Variants in RBP4 observed in about 807,000 individuals in gnomAD.
RBP4 encodes the protein retinol-binding protein 4.
In RBP4, 9 loss-of-function variants were observed where a neutral mutation model predicts 26.2. The observed-to-expected ratio is 0.34, with a 90% CI of 0.21 to 0.60. RBP4 has a LOEUF of 0.60. RBP4 is among the 20% of genes least tolerant of loss of function. RBP4 has a pLI of 0.80. For missense variants in RBP4, 244 were observed against 271.3 expected, an observed-to-expected ratio of 0.90 and a Z score of 0.71; for synonymous variants, 114 against 111.0, an observed-to-expected ratio of 1.03 and a Z score of -0.17.
chr10:93,595,794 C>T (rs557753956), intron 4 of RBP4, among the ~76,000 whole-genome samples: 1 of 152,338 alleles, frequency 6.6e-6, no homozygotes, highest in South Asian at 2.1e-4. Context: ...GGGGCTGTCA[C>T]AGGAGTGGGT....
At chr10:93,599,762 T>G (rs963143434) in intron 4 of RBP4, among the ~76,000 whole-genome samples, 1 of 152,198 alleles carries the variant, frequency 6.6e-6, no homozygotes, top group African/African-American at 2.4e-5. Context: ...AAAAAGAGCA[T>G]GTAGACACTG....
chr10:93,592,266 G>A (rs2058272279), intron 5 of RBP4, among the ~76,000 whole-genome samples, 154 bp from the exon 6 acceptor site: 1 of 152,206 alleles, frequency 6.6e-6, no homozygotes, highest in Non-Finnish European at 1.5e-5. Context: ...GATACAGGTG[G>A]CTGTAATTCA....
intron 4 of RBP4, among the ~76,000 whole-genome samples, chr10:93,595,785 G>A (rs1211758361): frequency 6.6e-6 from 1 of 152,220 alleles, no homozygotes; most frequent in Non-Finnish European, 1.5e-5. Context: ...CTCTGCAGGG[G>A]GGCTGTCACA....
chr10:93,599,695 C>T (rs2058323825), intron 4 of RBP4, among the ~76,000 whole-genome samples: 1 of 152,192 alleles, frequency 6.6e-6, no homozygotes. Context: ...GCATTATTCT[C>T]TAGCTACCAA....
rs758370370 is a variant in RBP4, at chr10:93,593,885, A to G, written c.506T>C (p.Ile169Thr). Residue 169 changes from isoleucine (I) to threonine (T), a missense_variant, in exon 5 of 6, where the codon ATT becomes ACT. Transcript: ENST00000371464. ...CAGCTCCTCCTGCCGCTGCCTTACA[A>G]TCTTCTGCGCTTCTGGGGGCAGGCC... is the stretch of plus-strand genomic sequence containing the variant. The part of the protein sequence containing the change: ...PNGLPPEAQK[I>T]VRQRQEELCL... 2.5e-6 allele frequency: 4 copies of G among 1,613,608 alleles called. No individual in the cohort carries two copies. The highest frequency in any genetic ancestry group is 3.4e-6 in the Non-Finnish European group (4 of 1,180,010).
chr10:93,600,331 C>G, intron 4 of RBP4, 62 bp downstream of exon 4: 1 of 1,424,676 alleles, frequency 7.0e-7, no homozygotes, highest in Non-Finnish European at 9.9e-7. Flanking sequence ...GAGAAGAAAC[C>G]CAGCGATTTG....
Position 93,601,021 on chromosome 10 carries a change from C to G in RBP4, c.8G>C (p.Trp3Ser). Residue 3 changes from tryptophan (W) to serine (S), a missense_variant, in exon 2 of 6, where the codon TGG (tryptophan) becomes TCG (serine). Transcript: ENST00000371464. ...CGCCAACAGCAAGAGCGCCCACACC[C>G]ACTTCATCTTGCCCAGGAATCCGCC... MK[W>S]VWALLLLAAL... is the part of the protein sequence containing the mutation. 1 of 1,611,120 alleles carries G rather than the reference C, an allele frequency of 6.2e-7. No individual in the cohort carries two copies. The highest frequency in any genetic ancestry group is 2.2e-5 in the East Asian group (1 of 44,846).
chr10:93,593,758 G>A (rs910716060), intron 5 of RBP4, 65 bp downstream of exon 5: 2 of 1,524,614 alleles, frequency 1.3e-6, no homozygotes, highest in East Asian at 2.2e-5. Flanking sequence ...ACTAGCACGT[G>A]GGCCCCTTAG....
Position 93,592,090 on chromosome 10 carries a change from T to C in RBP4, c.591A>G (p.Glu197=). 1 of 1,614,138 alleles carries C rather than the reference T, an allele frequency of 6.2e-7. No homozygotes were observed. Among genetic ancestry groups the C allele is most frequent in the Non-Finnish European group, 8.5e-7 (1 of 1,179,974 alleles). ...CTTGATATTGCTACAAAAGGTTTCTTTCTGATCTGCCATCGCAGTAACCTG... is the reference window on the plus strand; with the variant it reads ...CTTGATATTGCTACAAAAGGTTTCTCTCTGATCTGCCATCGCAGTAACCTG... ...VHNGYCDGRS[E]RNLL is the part of the protein sequence containing the mutation. Residue 197 remains glutamate, a synonymous_variant, in exon 6 of 6, where the codon GAA becomes GAG. Coordinates refer to ENST00000371464, the MANE Select transcript of RBP4 (RefSeq NM_006744.4).
intron 4 of RBP4, among the ~76,000 whole-genome samples, chr10:93,595,264 A>G (rs1213902877): frequency 1.3e-5 from 2 of 152,152 alleles, no homozygotes; most frequent in African/African-American, 4.8e-5. Flanking sequence ...TGTTGACACA[A>G]TACCATGATT....
chr10:93,601,117 C>T lies in RBP4; in HGVS notation c.-19+54G>A, dbSNP rs2058335875. The T allele has an allele frequency of 3.9e-6, 6 of 1,522,094 alleles. No individual in the cohort carries two copies. The South Asian group carries it at 6.0e-5, about 15-fold the overall frequency. 94.3% of individuals were successfully genotyped at this position (1,522,094 alleles called of 1,614,324 possible). On this transcript the variant is annotated intron_variant, in intron 1 of 5. Transcript: ENST00000371464. ...CGCCGTATCCCACCTCACCCCACCC[C>T]ACCCCACCCCGGCCCATCCCGCCGC...
chr10:93,595,156 GA>G (rs575043390), intron 4 of RBP4, among the ~76,000 whole-genome samples: 5 of 151,972 alleles, frequency 3.3e-5, no homozygotes, highest in Admixed American at 2.6e-4. Context: ...AAAAAAGAAA[GA>G]AAAAAAGAAT....
At chr10:93,595,357 C>A (rs1329347662) in intron 4 of RBP4, among the ~76,000 whole-genome samples, 9 of 152,100 alleles carry the variant, frequency 5.9e-5, no homozygotes, top group Non-Finnish European at 2.9e-5. Flanking sequence ...CACATTGATC[C>A]AAAACTGCAC....
At chr10:93,600,167 C>T (rs572545519) in intron 4 of RBP4, among the ~76,000 whole-genome samples, 18 of 152,280 alleles carry the variant, frequency 1.2e-4, no homozygotes, top group African/African-American at 3.6e-4. Flanking sequence ...CCGAAAGGTC[C>T]TTTTGAGCTT....
chr10:93,596,407 G>A (rs2058303314), intron 4 of RBP4, among the ~76,000 whole-genome samples: 1 of 152,110 alleles, frequency 6.6e-6, no homozygotes, highest in South Asian at 2.1e-4. Context: ...CCTTGACCAG[G>A]CTCTCCCTTT....
At position 93,601,205 on chromosome 10, in the gene RBP4, C is replaced by G; in HGVS notation, c.-53G>C. The G allele has an allele frequency of 1.5e-6, 2 of 1,325,574 alleles. No homozygotes were observed. Among genetic ancestry groups the G allele is most frequent in the South Asian group, 2.1e-5 (1 of 48,590 alleles). 82.1% of individuals were successfully genotyped at this position (1,325,574 alleles called of 1,614,324 possible). On this transcript the variant is annotated 5_prime_UTR_variant, in exon 1 of 6. Coordinates refer to ENST00000371464, the MANE Select transcript of RBP4 (RefSeq NM_006744.4). ...GGGAACCGCGCGCAAGCCTGGCCGCCGAGTCCGGGCGCGCGTGGAGCGAGG... is the reference window on the plus strand; with the variant it reads ...GGGAACCGCGCGCAAGCCTGGCCGCGGAGTCCGGGCGCGCGTGGAGCGAGG...
rs2058286759 is a variant in RBP4 at position 93,594,049 on chromosome 10, A to T, written c.356-14T>A. On this transcript the variant is annotated splice_polypyrimidine_tract_variant and intron_variant, in intron 4 of 5. Transcript: ENST00000371464. Reference sequence around the variant, plus strand: ...AGTGGTCATCATCTGCAAGCCAGAAAGCCACCATGCCGATCAATGCCTTTC... The same window carrying T: ...AGTGGTCATCATCTGCAAGCCAGAATGCCACCATGCCGATCAATGCCTTTC... The T allele has an allele frequency of 1.2e-6, 2 of 1,612,550 alleles. No individual in the cohort carries two copies. Among genetic ancestry groups the T allele is most frequent in the Non-Finnish European group, 1.7e-6 (2 of 1,179,804 alleles).
At chr10:93,601,247 G>T (rs1024048109), upstream of RBP4, 6 of 1,224,148 alleles carry the variant, frequency 4.9e-6, no homozygotes, top group Non-Finnish European at 6.1e-6. Flanking sequence ...AGCGCGCCGC[G>T]GCCGCCCCGC....
chr10:93,592,336 G>A (rs2058272737), intron 5 of RBP4, among the ~76,000 whole-genome samples: 1 of 152,188 alleles, frequency 6.6e-6, no homozygotes, highest in East Asian at 1.9e-4. Flanking sequence ...TAATGGGGGT[G>A]GAGAGAATAT....
Sources: gnomAD v4.1 joint callset for allele counts (sites outside exome capture counted in the v4.1 genomes callset) on GRCh38, gnomAD v4.1.1 for gene constraint, MANE v1.5 for transcripts, NCBI Gene and HGNC (gene_info 2026-07-23, HGNC 2026-07-21) for gene names.